TBCE: variants seen among roughly 807,000 people sequenced by gnomAD.
TBCE encodes the protein tubulin folding cofactor E.
TBCE carries 53 observed loss-of-function variants against 77.0 expected under a neutral mutation model. That is an observed-to-expected ratio of 0.69 (90% confidence interval 0.55 to 0.87). The LOEUF is 0.87. Among genes scored for constraint, TBCE ranks in the 40% least tolerant of loss-of-function variants. TBCE has a pLI of 0.00. For synonymous variants in TBCE, 235 were observed against 241.3 expected, an observed-to-expected ratio of 0.97 and a Z score of 0.24; for missense variants, 624 against 622.4, an observed-to-expected ratio of 1.00 and a Z score of -0.03.
chr1:235,404,469 G>A (rs539456663), intron 3 of TBCE, among the ~76,000 whole-genome samples: 14 of 152,092 alleles, frequency 9.2e-5, no homozygotes, highest in African/African-American at 3.1e-4. Context: ...GGCACTTAGC[G>A]TGAATGGACC....
At chr1:235,423,935 G>A (rs923986365) in intron 5 of TBCE, among the ~76,000 whole-genome samples, 4 of 152,184 alleles carry the variant, frequency 2.6e-5, no homozygotes, top group Non-Finnish European at 2.9e-5. Context: ...CTTCTCTGCC[G>A]TCCTTCCCTT....
chr1:235,400,418 T>TTTTTTTTTTTTTTTG (rs1679026101), intron 2 of TBCE, among the ~76,000 whole-genome samples: 1 of 148,030 alleles, frequency 6.8e-6, no homozygotes, highest in African/African-American at 2.5e-5. Context: ...CTTTTTTTTT[T>TTTTTTTTTTTTTTTG]GAGATGGAGT....
At chr1:235,437,188 G>C in intron 11 of TBCE, 134 bp from the exon 12 acceptor site, 2 of 1,017,028 alleles carry the variant, frequency 2.0e-6, no homozygotes, top group Non-Finnish European at 3.0e-6. Flanking sequence ...TTCTAGAGGG[G>C]ATTGCTTAGT....
chr1:235,376,527 C>A (rs1169108655), intron 1 of TBCE, among the ~76,000 whole-genome samples: 1 of 152,130 alleles, frequency 6.6e-6, no homozygotes, highest in African/African-American at 2.4e-5. Flanking sequence ...GAGTGGAGTT[C>A]TGCAGTCATT....
intron 5 of TBCE, among the ~76,000 whole-genome samples, chr1:235,420,286 G>C (rs1431247128): frequency 1.3e-5 from 2 of 151,832 alleles, no homozygotes; most frequent in Non-Finnish European, 1.5e-5. Context: ...AGATGAATCT[G>C]CTTCAGCCCT....
intron 2 of TBCE, among the ~76,000 whole-genome samples, chr1:235,380,435 C>T (rs959168651): frequency 1.3e-5 from 2 of 152,048 alleles, no homozygotes; most frequent in East Asian, 1.9e-4. Context: ...AAACTATAAA[C>T]AGCTAAAAGT....
intron 3 of TBCE, among the ~76,000 whole-genome samples, chr1:235,409,669 T>C (rs991704506): frequency 2.0e-4 from 31 of 151,226 alleles, no homozygotes; most frequent in Admixed American, 2.0e-4. Context: ...GTAATAAAGA[T>C]CTGTTCATGA....
intron 3 of TBCE, among the ~76,000 whole-genome samples, chr1:235,409,355 G>A (rs1233046664): frequency 6.6e-6 from 1 of 152,166 alleles, no homozygotes; most frequent in South Asian, 2.1e-4. Context: ...CTTTAGACAT[G>A]GTTTGGAATT....
intron 5 of TBCE, among the ~76,000 whole-genome samples, chr1:235,425,663 G>A (rs1013124931): frequency 3.9e-5 from 6 of 152,144 alleles, no homozygotes; most frequent in African/African-American, 1.4e-4. Flanking sequence ...TTGTGATGTG[G>A]CCTGGCCCCT....
intron 2 of TBCE, among the ~76,000 whole-genome samples, chr1:235,392,171 A>G (rs188037309): frequency 6.3e-4 from 95 of 151,940 alleles, no homozygotes; most frequent in African/African-American, 2.1e-3. Flanking sequence ...AAAAATAAAT[A>G]AATAAATAAA....
intron 3 of TBCE, among the ~76,000 whole-genome samples, chr1:235,404,066 C>T (rs1679275574): frequency 6.6e-6 from 1 of 152,182 alleles, no homozygotes; most frequent in Non-Finnish European, 1.5e-5. Context: ...ATCACGAGGT[C>T]AGGAGTTCAA....
intron 1 of TBCE, among the ~76,000 whole-genome samples, chr1:235,373,709 C>A (rs1393308314): frequency 1.3e-5 from 2 of 151,404 alleles, no homozygotes; most frequent in Admixed American, 6.6e-5. Context: ...AGTGCGGTGG[C>A]GCGATCTCGG....
Position 235,436,518 on chromosome 1 carries a change from G to A in TBCE, c.899-26G>A, listed in dbSNP as rs911184583. 5.0e-6 allele frequency: 8 copies of A among 1,612,818 alleles called. No homozygotes were observed. The African/African-American group carries it at 6.7e-5, about 13-fold the overall frequency. On this transcript the variant is annotated intron_variant, in intron 10 of 16. Transcript: ENST00000642610. Reference sequence around the variant, plus strand: ...TACTTCAGCTACTTTCACTTCTACTGTGTAACTTCATTCCTCTTTTTATAG... The same window carrying A: ...TACTTCAGCTACTTTCACTTCTACTATGTAACTTCATTCCTCTTTTTATAG...
intron 7 of TBCE, chr1:235,432,947 C>G (rs1384787434): frequency 7.5e-7 from 1 of 1,336,454 alleles, no homozygotes; most frequent in Non-Finnish European, 9.6e-7. Flanking sequence ...AAAAATTAGG[C>G]TCATGCGCAG....
Position 235,428,983 on chromosome 1 carries a change from A to T in TBCE, c.561-1722A>T, listed in dbSNP as rs866935333. On this transcript the variant is annotated intron_variant, in intron 6 of 16. Coordinates refer to ENST00000642610, the MANE Select transcript of TBCE (RefSeq NM_003193.5). ...TATGTATGTGTGTATATATATATAT[A>T]TATTTTTTTTTTTTTTTTTTTTGAG... 42 of 97,890 alleles carry T rather than the reference A, an allele frequency of 4.3e-4. 1 individual carries two copies. Among genetic ancestry groups the T allele is most frequent in the South Asian group, 1.4e-3 (4 of 2,762 alleles). The allele number at this position is 97,890 out of a possible 1,614,324, so 6.1% of individuals were successfully genotyped here.
At chr1:235,403,963 A>G (rs893406438) in intron 3 of TBCE, among the ~76,000 whole-genome samples, 18 of 152,174 alleles carry the variant, frequency 1.2e-4, no homozygotes, top group Non-Finnish European at 1.6e-4. Flanking sequence ...GTATTTATCT[A>G]AACATAGAAA....
chr1:235,442,281 G>A (rs1401106772), intron 14 of TBCE, among the ~76,000 whole-genome samples: 2 of 151,988 alleles, frequency 1.3e-5, no homozygotes, highest in African/African-American at 2.4e-5. Context: ...AGCGATTTTC[G>A]TGCCTTAGCC....
intron 15 of TBCE, among the ~76,000 whole-genome samples, chr1:235,446,323 C>T (rs1054239972): frequency 1.3e-5 from 2 of 152,010 alleles, no homozygotes; most frequent in East Asian, 3.9e-4. Context: ...ATAACAGGTG[C>T]CCGCCACCAT....
At chr1:235,448,151 G>C (rs1014042386) in intron 15 of TBCE, among the ~76,000 whole-genome samples, 198 bp from the exon 16 acceptor site, 2 of 142,248 alleles carry the variant, frequency 1.4e-5, no homozygotes, top group Admixed American at 1.5e-4. Context: ...AGTGAGCCGA[G>C]ATTACACCAT....
Sources: allele counts gnomAD v4.1 joint callset (sites outside exome capture counted in the v4.1 genomes callset), GRCh38; gene constraint gnomAD v4.1.1; transcripts MANE v1.5; gene names NCBI Gene and HGNC (gene_info 2026-07-23, HGNC 2026-07-21).